Variants in NOL4 observed in about 807,000 individuals in gnomAD.
NOL4 encodes nucleolar protein 4.
NOL4 carries 17 observed loss-of-function variants against 75.9 expected under a neutral mutation model. The ratio of observed to expected loss-of-function variants is 0.22; its 90% CI spans 0.15 to 0.34. The LOEUF (loss-of-function observed/expected upper bound fraction) is 0.34. NOL4 is among the 10% of genes least tolerant of loss of function. The pLI is 1.00. For missense variants in NOL4, 614 were observed against 793.5 expected, an observed-to-expected ratio of 0.77 and a Z score of 2.72; for synonymous variants, 292 against 289.9, an observed-to-expected ratio of 1.01 and a Z score of -0.07.
intron 6 of NOL4, among the ~76,000 whole-genome samples, chr18:33,995,233 A>C (rs1336154805): frequency 3.3e-5 from 5 of 151,646 alleles, no homozygotes; most frequent in Non-Finnish European, 7.4e-5. Context: ...ATAGAAGAAA[A>C]GGGAACAGTT....
chr18:34,058,913 G>A (rs1265001656), intron 5 of NOL4, among the ~76,000 whole-genome samples: 3 of 151,606 alleles, frequency 2.0e-5, no homozygotes, highest in Non-Finnish European at 4.4e-5. Flanking sequence ...TGTCTTTTCT[G>A]TTGACCTAGA....
chr18:33,967,888 C>G (rs1425193812), intron 6 of NOL4, among the ~76,000 whole-genome samples: 1 of 151,986 alleles, frequency 6.6e-6, no homozygotes, highest in Non-Finnish European at 1.5e-5. Flanking sequence ...GAATTTGAGA[C>G]CAGCCTGGCC....
At chr18:34,030,274 C>A (rs1190728206) in intron 5 of NOL4, among the ~76,000 whole-genome samples, 3 of 152,150 alleles carry the variant, frequency 2.0e-5, no homozygotes, top group Non-Finnish European at 2.9e-5. Context: ...TAAGACAGAG[C>A]ATAACTAGGT....
chr18:34,099,000 T>C (rs1294124622), intron 4 of NOL4, among the ~76,000 whole-genome samples: 1 of 152,068 alleles, frequency 6.6e-6, no homozygotes, highest in Non-Finnish European at 1.5e-5. Flanking sequence ...ATAAAAAGAG[T>C]AATTTAATAG....
At chr18:34,126,584 A>G (rs1013148604) in intron 2 of NOL4, among the ~76,000 whole-genome samples, 5 of 152,066 alleles carry the variant, frequency 3.3e-5, no homozygotes, top group Non-Finnish European at 7.4e-5. Flanking sequence ...TTGAAACTTA[A>G]CCCTTTGATT....
intron 6 of NOL4, among the ~76,000 whole-genome samples, chr18:33,963,009 A>T (rs1265114349): frequency 1.3e-5 from 2 of 152,176 alleles, no homozygotes; most frequent in African/African-American, 4.8e-5. Flanking sequence ...TTATAACTGA[A>T]TTCTGCTTTT....
At chr18:34,058,412 G>A (rs1237463603) in intron 5 of NOL4, among the ~76,000 whole-genome samples, 3 of 152,176 alleles carry the variant, frequency 2.0e-5, no homozygotes, top group Non-Finnish European at 2.9e-5. Flanking sequence ...GGGATTACAG[G>A]CATGAGCCAC....
intron 6 of NOL4, among the ~76,000 whole-genome samples, chr18:34,013,998 G>A (rs2074537606): frequency 1.3e-5 from 2 of 151,832 alleles, no homozygotes; most frequent in South Asian, 4.1e-4. Context: ...CCAATAATGA[G>A]CAGGAATATC....
intron 2 of NOL4, among the ~76,000 whole-genome samples, chr18:34,118,829 A>G (rs906187495): frequency 1.3e-5 from 2 of 152,200 alleles, no homozygotes; most frequent in Non-Finnish European, 2.9e-5. Flanking sequence ...AGCAGTGTAC[A>G]TCATTGTACT....
rs139584232 is a variant in NOL4, at chr18:34,078,192, C to A, written c.772+15273G>T. On this transcript the variant is annotated intron_variant, in intron 5 of 10. Transcript: ENST00000261592. ...GCTATAAATAAATACTTGTATTTAT[C>A]TTTACCTTAGAATGAAATGAATGTT... 1.9e-4 allele frequency among the ~76,000 whole-genome samples: 29 copies of A among 152,222 alleles called. No homozygotes were observed. In the East Asian group the frequency reaches 5.6e-3, roughly 29 times the overall value.
At chr18:34,153,095 C>T (rs1213642264) in intron 1 of NOL4, among the ~76,000 whole-genome samples, 1 of 151,664 alleles carries the variant, frequency 6.6e-6, no homozygotes, top group Non-Finnish European at 1.5e-5. Flanking sequence ...GGGGTTGTTT[C>T]CAGTTGTTTC....
chr18:33,902,199 T>C (rs775134745), intron 9 of NOL4, among the ~76,000 whole-genome samples: 9 of 152,116 alleles, frequency 5.9e-5, no homozygotes, highest in African/African-American at 4.8e-5. Context: ...TCTTCTATGA[T>C]TGGTCCTCTA....
chr18:33,887,073 T>G (rs1024484705), intron 9 of NOL4, among the ~76,000 whole-genome samples: 25 of 140,650 alleles, frequency 1.8e-4, no homozygotes, highest in Non-Finnish European at 2.3e-4. Context: ...ATATAATATA[T>G]ATATCTATAT....
At chr18:34,180,885 T>C (rs2033979738) in intron 1 of NOL4, among the ~76,000 whole-genome samples, 1 of 151,518 alleles carries the variant, frequency 6.6e-6, no homozygotes, top group Non-Finnish European at 1.5e-5. Context: ...AAATGACTTG[T>C]ACACTGTAAA....
chr18:34,105,805 A>G (rs1372597432), intron 2 of NOL4, among the ~76,000 whole-genome samples: 2 of 152,022 alleles, frequency 1.3e-5, no homozygotes, highest in Non-Finnish European at 2.9e-5. Context: ...TGACTGTCAG[A>G]GCAAGCCTTT....
At position 34,048,441 on chromosome 18, in the gene NOL4, T is replaced by C. The variant is rs569307587; in HGVS notation, c.773-28840A>G. ...ACTCTGGAGGAGCTGACACTTACTG[T>C]GAATTCTGCTCTTCAACTTAAATAC... On this transcript the variant is annotated intron_variant, in intron 5 of 10. Coordinates refer to ENST00000261592, the MANE Select transcript of NOL4 (RefSeq NM_003787.5). 9.9e-5 allele frequency: 98 copies of C among 985,358 alleles called. 1 individual carries two copies. In the South Asian group the frequency reaches 3.7e-3, roughly 37 times the overall value. The allele number at this position is 985,358 out of a possible 1,614,324, so 61.0% of individuals were successfully genotyped here.
At chr18:33,919,086 G>A (rs538880126) in intron 9 of NOL4, among the ~76,000 whole-genome samples, 1 of 151,946 alleles carries the variant, frequency 6.6e-6, no homozygotes, top group Non-Finnish European at 1.5e-5. Flanking sequence ...TTTAGGACTT[G>A]TTGAAGTAAA....
intron 6 of NOL4, among the ~76,000 whole-genome samples, chr18:33,966,195 C>T (rs1035389228): frequency 6.6e-6 from 1 of 151,992 alleles, no homozygotes; most frequent in African/African-American, 2.4e-5. Flanking sequence ...AGAGAGGGGG[C>T]TGTTTTGAAA....
At position 33,874,031 on chromosome 18, in the gene NOL4, C is replaced by G. The variant is rs538554282; in HGVS notation, c.1723+9213G>C. On this transcript the variant is annotated intron_variant, in intron 10 of 10. Transcript: ENST00000261592. Reference sequence around the variant, plus strand: ...GGATGAAGAATTCATTTTGTTAAATCAAATATTAGATTTCTCTGGATGTCT... The same window carrying G: ...GGATGAAGAATTCATTTTGTTAAATGAAATATTAGATTTCTCTGGATGTCT... Among the ~76,000 whole-genome samples the G allele has an allele frequency of 1.6e-3, 244 of 151,922 alleles. 3 individuals carry two copies. The highest frequency in any genetic ancestry group is 5.7e-3 in the African/African-American group (238 of 41,494).
Sources: allele counts gnomAD v4.1 joint callset (sites outside exome capture counted in the v4.1 genomes callset), GRCh38; gene constraint gnomAD v4.1.1; transcripts MANE v1.5; gene names NCBI Gene and HGNC (gene_info 2026-07-23, HGNC 2026-07-21).